The following CDH3 variants were observed in gnomAD, a reference collection of about 807,000 sequenced individuals.
CDH3 encodes cadherin 3.
In CDH3, 54 loss-of-function variants were observed where a neutral mutation model predicts 82.0. That is an observed-to-expected ratio of 0.66 (90% confidence interval 0.53 to 0.83). CDH3 has a LOEUF of 0.83. Among genes scored for constraint, CDH3 ranks in the 40% least tolerant of loss-of-function variants. The probability of loss-of-function intolerance (pLI) is 0.00; values close to 1 mark genes in which losing one functional copy is unlikely to be tolerated. For missense variants in CDH3, 1,054 were observed against 1,084.6 expected, an observed-to-expected ratio of 0.97 and a Z score of 0.40; for synonymous variants, 446 against 437.9, an observed-to-expected ratio of 1.02 and a Z score of -0.23.
In CDH3 at chr16:68,676,643, G is replaced by C. The variant is rs372670478; in HGVS notation, c.246+173G>C. The stretch of plus-strand genomic sequence containing the variant: ...CTTGGGTGTGAGCACTGATCTAAGG[G>C]GGGTAGTGCTTGCAGCTACCCAACA... On this transcript the variant is annotated intron_variant, in intron 3 of 15. Coordinates refer to ENST00000264012, the MANE Select transcript of CDH3 (RefSeq NM_001793.6). Among the ~76,000 whole-genome samples, 219 of 152,282 alleles carry C rather than the reference G, an allele frequency of 1.4e-3. 1 individual carries two copies. The highest frequency in any genetic ancestry group is 4.7e-3 in the African/African-American group (197 of 41,562).
intron 2 of CDH3, chr16:68,651,518 G>C: frequency 2.0e-6 from 1 of 496,074 alleles, no homozygotes; most frequent in Non-Finnish European, 4.0e-6. Context: ...GCTTCTTTGA[G>C]TACCTGACAC....
intron 2 of CDH3, among the ~76,000 whole-genome samples, chr16:68,726,714 G>T (rs1001335746): frequency 6.6e-6 from 1 of 151,880 alleles, no homozygotes; most frequent in Admixed American, 6.6e-5. Flanking sequence ...GAGTAGCTGG[G>T]ACTACAGGCG....
intron 13 of CDH3, among the ~76,000 whole-genome samples, chr16:68,693,739 G>A (rs1282834745): frequency 2.0e-5 from 3 of 152,168 alleles, no homozygotes; most frequent in Admixed American, 2.0e-4. Context: ...ACAGACAGCA[G>A]TTCCATCAGC....
At chr16:68,710,569 A>G (rs1962013801) in intron 1 of CDH3, among the ~76,000 whole-genome samples, 1 of 152,152 alleles carries the variant, frequency 6.6e-6, no homozygotes, top group African/African-American at 2.4e-5. Context: ...TTAGATTGAA[A>G]AACTATGGCT....
At chr16:68,727,479 G>A (rs532803227), downstream of CDH3, among the ~76,000 whole-genome samples, 1 of 152,158 alleles carries the variant, frequency 6.6e-6, no homozygotes, top group South Asian at 2.1e-4. Context: ...TTACTTCTCT[G>A]TGAGTCTCTG....
At position 68,691,862 on chromosome 16, in the gene CDH3, C is replaced by G. The variant is rs1232272116; in HGVS notation, c.1938C>G (p.Thr646=). 1 of 1,614,030 alleles carries G rather than the reference C, an allele frequency of 6.2e-7. No individual in the cohort carries two copies. ...GCGACTGCCATGGCCATGTCGAAAC[C>G]TGCCCTGGACCCTGGAAGGGAGGTT... ...TVCDCHGHVE[T]CPGPWKGGFI... The change falls in exon 13 of 16, where the codon ACC becomes ACG. Residue 646 remains threonine, a synonymous_variant. Transcript: ENST00000264012.
chr16:68,681,142 CA>C, intron 8 of CDH3, 46 bp downstream of exon 8: 1 of 1,608,452 alleles, frequency 6.2e-7, no homozygotes, highest in Non-Finnish European at 8.5e-7. Flanking sequence ...AATGAAGGAC[CA>C]AAGTTTGCCT....
intron 2 of CDH3, among the ~76,000 whole-genome samples, chr16:68,670,971 G>A (rs139974343): frequency 0.059 from 9,049 of 152,146 alleles, 648 homozygotes; most frequent in African/African-American, 0.17. Flanking sequence ...TACTCAAGAG[G>A]CTGAGGCAAG....
downstream of CDH3, among the ~76,000 whole-genome samples, chr16:68,730,301 C>A (rs181758436): frequency 0.069 from 10,249 of 148,962 alleles, 885 homozygotes; most frequent in African/African-American, 0.21. Flanking sequence ...CTGAGGCGGG[C>A]GGATCACTTG....
At chr16:68,729,397 G>A (rs376054691), downstream of CDH3, among the ~76,000 whole-genome samples, 1 of 152,162 alleles carries the variant, frequency 6.6e-6, no homozygotes, top group Non-Finnish European at 1.5e-5. Flanking sequence ...AAGTCTGTAA[G>A]TCTGGAATTA....
chr16:68,725,926 A>G (rs1370171701), intron 2 of CDH3, among the ~76,000 whole-genome samples: 4 of 152,002 alleles, frequency 2.6e-5, no homozygotes, highest in Non-Finnish European at 5.9e-5. Flanking sequence ...ATGGTGGGAC[A>G]TGCCTGTAGT....
At chr16:68,672,936 G>T (rs1370386478) in intron 2 of CDH3, among the ~76,000 whole-genome samples, 2 of 152,150 alleles carry the variant, frequency 1.3e-5, no homozygotes, top group East Asian at 3.8e-4. Flanking sequence ...TCTTGCATAT[G>T]TCCTCTCATA....
chr16:68,685,478 A>G (rs1961385236), intron 11 of CDH3, 128 bp downstream of exon 11: 3 of 967,620 alleles, frequency 3.1e-6, no homozygotes, highest in Non-Finnish European at 1.6e-6. Flanking sequence ...ACCAATCCAG[A>G]CGGTCAAAGG....
chr16:68,651,419 C>A, intron 2 of CDH3: 1 of 444,464 alleles, frequency 2.2e-6, no homozygotes, highest in East Asian at 5.7e-5. Context: ...TGGTCATACC[C>A]GACTGGCTTG....
At chr16:68,718,123 C>A (rs1252400251) in intron 1 of CDH3, among the ~76,000 whole-genome samples, 2 of 152,030 alleles carry the variant, frequency 1.3e-5, no homozygotes, top group Non-Finnish European at 2.9e-5. Context: ...ATCCTCCTAC[C>A]TCAGCCTCCT....
In CDH3 at chr16:68,687,531, C is replaced by A. The variant is rs766482785; in HGVS notation, c.1590C>A (p.Gly530=). The change falls in exon 12 of 16, where the codon GGC becomes GGA. Residue 530 remains glycine, a synonymous_variant. Transcript: ENST00000264012. The stretch of plus-strand genomic sequence containing the variant: ...AAACAGGAAGCCCTCCCACCACTGG[C>A]ACGGGAACCCTTCTGCTAACACTGA... ...AMDNGSPPTT[G]TGTLLLTLID... is the part of the protein sequence containing the mutation. 6.2e-7 allele frequency: 1 copy of A among 1,614,050 alleles called. No individual in the cohort carries two copies. Among genetic ancestry groups the A allele is most frequent in the Non-Finnish European group, 8.5e-7 (1 of 1,179,996 alleles).
At chr16:68,696,311 C>T (rs921705761) in intron 15 of CDH3, 7 of 335,770 alleles carry the variant, frequency 2.1e-5, no homozygotes, top group East Asian at 7.6e-5. Flanking sequence ...CCCAGCTACT[C>T]GGGAGGCTGA....
rs778840523 is a variant in CDH3, at chr16:68,684,584, G to C, written c.1184G>C (p.Gly395Ala). The C allele has an allele frequency of 1.2e-6, 2 of 1,614,126 alleles. No homozygotes were observed. Among genetic ancestry groups the C allele is most frequent in the Non-Finnish European group, 1.7e-6 (2 of 1,180,016 alleles). ...SNQGILTTRK[G>A]LDFEAKNQHT... ...GTCCTTCTTCCTCTTCTCTCCTAGGGTTTGGATTTTGAGGCCAAAAACCAG... is the reference window on the plus strand; with the variant it reads ...GTCCTTCTTCCTCTTCTCTCCTAGGCTTTGGATTTTGAGGCCAAAAACCAG... Residue 395 changes from glycine to alanine, a missense_variant and splice_region_variant, in exon 10 of 16, where the codon GGT becomes GCT. By Grantham distance (60) the Gly-to-Ala change is moderately conservative. Coordinates refer to ENST00000264012, the MANE Select transcript of CDH3 (RefSeq NM_001793.6).
In CDH3 at chr16:68,665,301, G is replaced by C. The variant is rs147980697; in HGVS notation, c.161-11084G>C. 9.3e-3 allele frequency among the ~76,000 whole-genome samples: 1,419 copies of C among 152,130 alleles called. 14 individuals are homozygous for C. The highest frequency in any genetic ancestry group is 0.016 in the Non-Finnish European group (1,088 of 68,014). On this transcript the variant is annotated intron_variant, in intron 2 of 15. Coordinates refer to ENST00000264012, the MANE Select transcript of CDH3 (RefSeq NM_001793.6). ...CATGTGCCTGTAGTCCCAGCTACTC[G>C]GGAGGCTGAGGCAGGAGAATCACTT...
Sources: allele counts gnomAD v4.1 joint callset (sites outside exome capture counted in the v4.1 genomes callset), GRCh38; gene constraint gnomAD v4.1.1; transcripts MANE v1.5; gene names NCBI Gene and HGNC (gene_info 2026-07-23, HGNC 2026-07-21).